TRAK2: variants seen among roughly 807,000 people sequenced by gnomAD.
TRAK2 encodes the protein trafficking kinesin protein 2, also known as trafficking kinesin-binding protein 2.
A neutral mutation model predicts 104.6 loss-of-function variants in TRAK2; 81 were observed. That is an observed-to-expected ratio of 0.77 (90% CI 0.65 to 0.93). The LOEUF is 0.93. Ranked by LOEUF, TRAK2 falls within the 40% of genes least tolerant of loss-of-function variation. The probability of loss-of-function intolerance (pLI) is 0.00; values close to 1 mark genes in which losing one functional copy is unlikely to be tolerated. For missense variants in TRAK2, 1,002 were observed against 1,089.0 expected (o/e 0.92, Z 1.12); for synonymous variants, 406 against 394.4 (o/e 1.03, Z -0.35).
At chr2:201,405,816 C>G (rs1951588764) in intron 3 of TRAK2, among the ~76,000 whole-genome samples, 1 of 152,088 alleles carries the variant, frequency 6.6e-6, no homozygotes, top group African/African-American at 2.4e-5. Flanking sequence ...AACCCCGTCT[C>G]TACTAAAAAT....
At chr2:201,418,659 G>C (rs1337176965) in intron 2 of TRAK2, among the ~76,000 whole-genome samples, 2 of 152,032 alleles carry the variant, frequency 1.3e-5, no homozygotes, top group African/African-American at 4.8e-5. Flanking sequence ...ATTTCAATAA[G>C]GGTAAAGAGA....
intron 1 of TRAK2, among the ~76,000 whole-genome samples, chr2:201,421,204 A>G (rs1286010437): frequency 6.6e-6 from 1 of 152,240 alleles, no homozygotes; most frequent in African/African-American, 2.4e-5. Flanking sequence ...AATGTTTTGC[A>G]GTAGCATGAA....
At chr2:201,418,817 G>A (rs1362590317) in intron 2 of TRAK2, among the ~76,000 whole-genome samples, 2 of 152,108 alleles carry the variant, frequency 1.3e-5, no homozygotes, top group African/African-American at 4.8e-5. Context: ...TTTCTTTTAT[G>A]TGCAGATTTC....
intron 9 of TRAK2, among the ~76,000 whole-genome samples, chr2:201,394,343 C>CT (rs369969654): frequency 0.63 from 78,713 of 125,888 alleles, 22,959 homozygotes; most frequent in South Asian, 0.75. Flanking sequence ...TATTCTTTTT[C>CT]TTTCTTTTTT....
At chr2:201,412,640 A>T in intron 2 of TRAK2, 1 of 1,564,760 alleles carries the variant, frequency 6.4e-7, no homozygotes, top group South Asian at 1.1e-5. Flanking sequence ...GGAAGACACA[A>T]TGAAGGTAAA....
chr2:201,381,448 GAT>G lies in TRAK2; in HGVS notation c.2070-232_2070-231del, dbSNP rs1576502051. On this transcript the variant is annotated intron_variant, in intron 15 of 15. Transcript: ENST00000332624. ...TAACTTAGTAATTAACTTATTAAAA[GAT>G]ATTTCTTTTCAGTGGGATATGAAAG... is the stretch of plus-strand genomic sequence containing the variant. Among the ~76,000 whole-genome samples, 3 of 152,154 alleles carry G rather than the reference GAT, an allele frequency of 2.0e-5. No homozygotes were observed. The East Asian group carries it at 5.8e-4, about 29-fold the overall frequency.
chr2:201,405,069 G>C (rs1559444498), intron 3 of TRAK2, among the ~76,000 whole-genome samples: 1 of 152,216 alleles, frequency 6.6e-6, no homozygotes, highest in African/African-American at 2.4e-5. Flanking sequence ...GCTAGTACAT[G>C]ATGCATGGGT....
chr2:201,411,832 GT>G (rs1211947263), intron 2 of TRAK2: 2 of 847,480 alleles, frequency 2.4e-6, no homozygotes, highest in Non-Finnish European at 2.1e-6. Flanking sequence ...GAAGACATTT[GT>G]AGACAGGCAT....
chr2:201,410,735 G>T (rs1576520820), intron 2 of TRAK2: 12 of 1,524,232 alleles, frequency 7.9e-6, no homozygotes, highest in Non-Finnish European at 1.0e-5. Flanking sequence ...GGTACAAACT[G>T]ATTAAGCCAC....
At chr2:201,417,928 G>A (rs146926418) in intron 2 of TRAK2, among the ~76,000 whole-genome samples, 14 of 151,862 alleles carry the variant, frequency 9.2e-5, no homozygotes, top group Middle Eastern at 3.4e-3. Context: ...ACACACAGTA[G>A]GAAAATGAAA....
chr2:201,403,970 A>G (rs1951571789), intron 3 of TRAK2, among the ~76,000 whole-genome samples: 1 of 152,134 alleles, frequency 6.6e-6, no homozygotes, highest in South Asian at 2.1e-4. Context: ...AACAGAAAGG[A>G]ACAATGGATT....
intron 1 of TRAK2, among the ~76,000 whole-genome samples, chr2:201,422,512 G>C (rs570635969): frequency 6.6e-6 from 1 of 152,084 alleles, no homozygotes; most frequent in Admixed American, 6.6e-5. Flanking sequence ...TTTTACAAGA[G>C]AGTTACCCTC....
At chr2:201,402,337 T>C (rs1260531010) in intron 3 of TRAK2, among the ~76,000 whole-genome samples, 5 of 152,062 alleles carry the variant, frequency 3.3e-5, no homozygotes, top group African/African-American at 1.2e-4. Context: ...CTGAGCTTAT[T>C]TTCTCCCTGG....
intron 1 of TRAK2, among the ~76,000 whole-genome samples, chr2:201,428,785 T>G (rs961699461): frequency 2.0e-5 from 3 of 152,256 alleles, no homozygotes; most frequent in African/African-American, 7.2e-5. Flanking sequence ...CGATGTTGAT[T>G]TTTCCTATCC....
intron 1 of TRAK2, among the ~76,000 whole-genome samples, chr2:201,431,884 T>C (rs1951845140): frequency 6.6e-6 from 1 of 152,214 alleles, no homozygotes; most frequent in African/African-American, 2.4e-5. Context: ...GTGGGCCTAA[T>C]AACAGGATCT....
At chr2:201,409,498 G>T (rs146726278) in intron 2 of TRAK2, among the ~76,000 whole-genome samples, 16 of 152,226 alleles carry the variant, frequency 1.1e-4, no homozygotes, top group Admixed American at 3.9e-4. Flanking sequence ...AAACAAATCA[G>T]CATATACCAA....
chr2:201,428,639 C>T (rs1951812490), intron 1 of TRAK2, among the ~76,000 whole-genome samples: 2 of 152,144 alleles, frequency 1.3e-5, no homozygotes, highest in Non-Finnish European at 2.9e-5. Flanking sequence ...TTAGGATTGT[C>T]TTGGCAATGC....
chr2:201,436,516 G>A (rs1322401547), intron 1 of TRAK2, among the ~76,000 whole-genome samples: 1 of 152,172 alleles, frequency 6.6e-6, no homozygotes, highest in Non-Finnish European at 1.5e-5. Flanking sequence ...CTGCTCTTCA[G>A]AATTTATCCT....
chr2:201,384,409 A>G (rs1951370258), intron 14 of TRAK2, among the ~76,000 whole-genome samples, 193 bp from the exon 15 acceptor site: 1 of 152,188 alleles, frequency 6.6e-6, no homozygotes, highest in Admixed American at 6.5e-5. Context: ...GGTGAATCCA[A>G]TACTTTAAAA....
Sources: gnomAD v4.1 joint callset for allele counts (sites outside exome capture counted in the v4.1 genomes callset) on GRCh38, gnomAD v4.1.1 for gene constraint, MANE v1.5 for transcripts, NCBI Gene and HGNC (gene_info 2026-07-23, HGNC 2026-07-21) for gene names.